The following CYFIP2 variants were observed in gnomAD, a reference collection of about 807,000 sequenced individuals.
CYFIP2 encodes the protein cytoplasmic FMR1 interacting protein 2, also known as cytoplasmic FMR1-interacting protein 2.
In CYFIP2, 29 loss-of-function variants were observed where a neutral mutation model predicts 158.7. The observed-to-expected ratio is 0.18, with a 90% CI of 0.14 to 0.25. The LOEUF (loss-of-function observed/expected upper bound fraction) is 0.25. Among genes scored for constraint, CYFIP2 ranks in the 10% least tolerant of loss-of-function variants. CYFIP2 has a pLI of 1.00. For missense variants in CYFIP2, 852 were observed against 1,639.5 expected (o/e 0.52, Z 8.29); for synonymous variants, 585 against 617.6 (o/e 0.95, Z 0.78).
chr5:157,325,355 T>TA, intron 16 of CYFIP2, 127 bp from the exon 17 acceptor site: 3 of 1,025,148 alleles, frequency 2.9e-6, no homozygotes, highest in Non-Finnish European at 3.9e-6. Flanking sequence ...CAGGATCTAC[T>TA]AATCAATATT....
At chr5:157,385,224 G>A (rs974326530) in intron 28 of CYFIP2, among the ~76,000 whole-genome samples, 2 of 152,156 alleles carry the variant, frequency 1.3e-5, no homozygotes, top group African/African-American at 4.8e-5. Flanking sequence ...TCCCTGTTCT[G>A]GTGAACACCA....
At position 157,393,250 on chromosome 5, in the gene CYFIP2, C is replaced by G. The variant is rs569923263; in HGVS notation, c.*250C>G. On this transcript the variant is annotated 3_prime_UTR_variant, in exon 31 of 31. Transcript: ENST00000620254. ...GTAAACAGGGCAGTGTGTGCTTTTT[C>G]TTTTCTCCCCCCTCAACTATATTAA... 2.2e-5 allele frequency: 8 copies of G among 371,866 alleles called. No individual in the cohort carries two copies. Among genetic ancestry groups the G allele is most frequent in the East Asian group, 4.5e-5 (1 of 22,292 alleles). 23.0% of individuals were successfully genotyped at this position (371,866 alleles called of 1,614,324 possible). A position where few individuals can be genotyped will look rare whatever the true frequency, so the allele number is the denominator to read the frequency against.
rs1581219694 is a variant in CYFIP2, at chr5:157,393,068, C to G, written c.*68C>G. Reference sequence around the variant, plus strand: ...CAGGAGAGAGAAAGCCACAGCCAGCCTGCCATAGGATCCAACTGGACAACG... The same window carrying G: ...CAGGAGAGAGAAAGCCACAGCCAGCGTGCCATAGGATCCAACTGGACAACG... On this transcript the variant is annotated 3_prime_UTR_variant, in exon 31 of 31. Transcript: ENST00000620254. 1.3e-6 allele frequency: 2 copies of G among 1,569,414 alleles called. No homozygotes were observed. Among genetic ancestry groups the G allele is most frequent in the East Asian group, 2.2e-5 (1 of 44,512 alleles).
Position 157,390,680 on chromosome 5 carries a change from G to A in CYFIP2, c.3594+12G>A. ...TCATTAAGAATGTGGTGAGCAGGCT[G>A]GTGGCTAAGGCCTGGGAGGTGGGGC... On this transcript the variant is annotated intron_variant, in intron 30 of 30. Transcript: ENST00000620254. 6.3e-7 allele frequency: 1 copy of A among 1,579,544 alleles called. No homozygotes were observed. The highest frequency in any genetic ancestry group is 1.2e-5 in the South Asian group (1 of 85,882).
At chr5:157,357,622 A>C (rs781125438) in intron 23 of CYFIP2, among the ~76,000 whole-genome samples, 1 of 152,156 alleles carries the variant, frequency 6.6e-6, no homozygotes, top group African/African-American at 2.4e-5. Context: ...TGAGGTCAGG[A>C]GTTTGAAACC....
intron 26 of CYFIP2, among the ~76,000 whole-genome samples, chr5:157,381,529 CAA>C (rs1281249714): frequency 8.8e-5 from 9 of 102,802 alleles, no homozygotes; most frequent in African/African-American, 2.2e-4. Flanking sequence ...CTCCGTTTCA[CAA>C]AAAAAAAAAA....
chr5:157,309,909 A>G, intron 10 of CYFIP2, 75 bp downstream of exon 10: 8 of 1,349,786 alleles, frequency 5.9e-6, no homozygotes, highest in African/African-American at 1.4e-5. Context: ...GGGCCACTTC[A>G]GCCCCTCCTC....
rs1281279809 is a variant in CYFIP2 at position 157,384,285 on chromosome 5, T to C, written c.3207+926T>C. The stretch of plus-strand genomic sequence containing the variant: ...GGGGAGAGCGGAGAAACAAAAGGCA[T>C]GTGCTATCTCCTTTCAAGTTGATTT... On this transcript the variant is annotated intron_variant, in intron 28 of 30. Coordinates refer to ENST00000620254, the MANE Select transcript of CYFIP2 (RefSeq NM_001037333.3). 4 of 456,640 alleles carry C rather than the reference T, an allele frequency of 8.8e-6. No homozygotes were observed. In the East Asian group the frequency reaches 2.8e-4, roughly 32 times the overall value. The allele number at this position is 456,640 out of a possible 1,614,324, so 28.3% of individuals were successfully genotyped here.
At chr5:157,318,574 T>C (rs1697232979) in intron 13 of CYFIP2, among the ~76,000 whole-genome samples, 1 of 152,226 alleles carries the variant, frequency 6.6e-6, no homozygotes, top group South Asian at 2.1e-4. Context: ...CAGTTCTATC[T>C]AAAAATGTTC....
chr5:157,284,905 A>G (rs1404325930), intron 1 of CYFIP2, among the ~76,000 whole-genome samples: 1 of 152,236 alleles, frequency 6.6e-6, no homozygotes, highest in African/African-American at 2.4e-5. Flanking sequence ...ATTGTATTGC[A>G]TGGTAATTTA....
In CYFIP2 at chr5:157,395,050, G is replaced by C. The variant is rs567132171; in HGVS notation, c.*2050G>C. On this transcript the variant is annotated 3_prime_UTR_variant, in exon 31 of 31. Coordinates refer to ENST00000620254, the MANE Select transcript of CYFIP2 (RefSeq NM_001037333.3). ...TCATGGAGATTTGAATAATCTATTT[G>C]ATGAGATTTCTATTTCAATAACCCA... The C allele has an allele frequency of 6.4e-6, 1 of 155,476 alleles. No homozygotes were observed. Among genetic ancestry groups the C allele is most frequent in the South Asian group, 2.0e-4 (1 of 5,008 alleles). The allele number at this position is 155,476 out of a possible 1,614,324, so 9.6% of individuals were successfully genotyped here. A position where few individuals can be genotyped will look rare whatever the true frequency, so the allele number is the denominator to read the frequency against.
At chr5:157,390,103 GCCAGTTGGCCT>G (rs1332167684) in intron 29 of CYFIP2, among the ~76,000 whole-genome samples, 1 of 152,168 alleles carries the variant, frequency 6.6e-6, no homozygotes, top group Non-Finnish European at 1.5e-5. Context: ...CCTGCTTCTG[GCCAGTTGGCCT>G]CCTGGTTTGA....
At chr5:157,285,550 G>A in intron 2 of CYFIP2, 72 bp downstream of exon 2, 2 of 1,354,540 alleles carry the variant, frequency 1.5e-6, no homozygotes, top group African/African-American at 1.5e-5. Flanking sequence ...TTGCCCTAAG[G>A]CAGAGGGAAG....
At chr5:157,330,934 C>T (rs1761408787) in intron 20 of CYFIP2, 84 bp downstream of exon 20, 1 of 1,079,034 alleles carries the variant, frequency 9.3e-7, no homozygotes, top group East Asian at 2.4e-5. Context: ...GAAATCAGGC[C>T]TGGGTATTGT....
intron 1 of CYFIP2, among the ~76,000 whole-genome samples, chr5:157,283,844 T>C (rs1757172153): frequency 6.6e-6 from 1 of 152,140 alleles, no homozygotes; most frequent in Non-Finnish European, 1.5e-5. Context: ...ACCAAATTCT[T>C]GTGTTGATGG....
intron 1 of CYFIP2, among the ~76,000 whole-genome samples, chr5:157,274,119 A>G (rs1323923466): frequency 6.9e-6 from 1 of 145,546 alleles, no homozygotes; most frequent in African/African-American, 2.5e-5. Flanking sequence ...AACAAGAGTG[A>G]AACTCTGTGT....
chr5:157,273,560 G>A (rs1756287306), intron 1 of CYFIP2, among the ~76,000 whole-genome samples: 1 of 152,090 alleles, frequency 6.6e-6, no homozygotes, highest in Non-Finnish European at 1.5e-5. Context: ...GTTCACCCCT[G>A]CAGTTTAGGG....
chr5:157,379,313 C>T (rs1765802231), intron 26 of CYFIP2, among the ~76,000 whole-genome samples: 1 of 152,056 alleles, frequency 6.6e-6, no homozygotes. Flanking sequence ...ATCTTGACTC[C>T]TTTCCATGAA....
At chr5:157,324,544 C>A (rs1051589239) in intron 16 of CYFIP2, among the ~76,000 whole-genome samples, 3 of 152,174 alleles carry the variant, frequency 2.0e-5, no homozygotes, top group Non-Finnish European at 4.4e-5. Flanking sequence ...GAACATGAGT[C>A]TTCATATGTC....
Sources: allele counts gnomAD v4.1 joint callset (sites outside exome capture counted in the v4.1 genomes callset), GRCh38; gene constraint gnomAD v4.1.1; transcripts MANE v1.5; gene names NCBI Gene and HGNC (gene_info 2026-07-23, HGNC 2026-07-21).